Variants in TENM3 observed in about 807,000 individuals in gnomAD.
The protein encoded by TENM3 is teneurin-3.
Under a neutral mutation model 255.1 loss-of-function variants are expected in TENM3, and 63 were observed. That is an observed-to-expected ratio of 0.25 (90% confidence interval 0.20 to 0.30). TENM3 has a LOEUF of 0.30. Among genes scored for constraint, TENM3 ranks in the 10% least tolerant of loss-of-function variants. TENM3 has a pLI of 1.00. For missense variants in TENM3, 2,929 were observed against 3,461.1 expected (o/e 0.85, Z 3.86); for synonymous variants, 1,306 against 1,322.3 (o/e 0.99, Z 0.27).
chr4:182,791,095 A>T (rs1766071331), intron 25 of TENM3, among the ~76,000 whole-genome samples: 1 of 152,240 alleles, frequency 6.6e-6, no homozygotes, highest in East Asian at 1.9e-4. Flanking sequence ...ATGACTTCAG[A>T]TGATTCCAAA....
chr4:181,735,907 C>A, the TENM3 span, among the ~76,000 whole-genome samples: 3 of 152,194 alleles, frequency 2.0e-5, no homozygotes, highest in African/African-American at 7.2e-5. Flanking sequence ...CATTTAAAGA[C>A]TTCCAGGAGT....
intron 3 of TENM3, among the ~76,000 whole-genome samples, chr4:182,367,976 C>A (rs1766544099): frequency 6.6e-6 from 1 of 152,140 alleles, no homozygotes; most frequent in Non-Finnish European, 1.5e-5. Flanking sequence ...CTACATCATA[C>A]TAGCCTAGTT....
At chr4:182,446,691 C>T (rs1463529299) in intron 3 of TENM3, among the ~76,000 whole-genome samples, 1 of 151,686 alleles carries the variant, frequency 6.6e-6, no homozygotes, top group South Asian at 2.1e-4. Context: ...AACTCCTGGG[C>T]TCAAGCAGTC....
chr4:182,276,606 T>G (rs182838279), intron 1 of TENM3, among the ~76,000 whole-genome samples: 1 of 152,338 alleles, frequency 6.6e-6, no homozygotes, highest in African/African-American at 2.4e-5. Context: ...TGAACTAATC[T>G]TGGCCATATT....
At chr4:182,194,991 G>C (rs1344633411) in intron 1 of TENM3, among the ~76,000 whole-genome samples, 1 of 148,802 alleles carries the variant, frequency 6.7e-6, no homozygotes, top group South Asian at 2.1e-4. Context: ...TCACTGCAAG[G>C]CTTATGAAAT....
chr4:182,781,424 A>G (rs1285212224), intron 24 of TENM3, among the ~76,000 whole-genome samples: 1 of 148,850 alleles, frequency 6.7e-6, no homozygotes, highest in Non-Finnish European at 1.5e-5. Context: ...ATCATGGTGG[A>G]TAAGCTTTTT....
the TENM3 span, among the ~76,000 whole-genome samples, chr4:181,848,991 A>G: frequency 6.6e-6 from 1 of 152,162 alleles, no homozygotes; most frequent in Non-Finnish European, 1.5e-5. Context: ...CAACCCACAC[A>G]TCCATTTGTT....
intron 3 of TENM3, among the ~76,000 whole-genome samples, chr4:182,589,865 T>C (rs1034845905): frequency 6.6e-6 from 1 of 151,880 alleles, no homozygotes; most frequent in South Asian, 2.1e-4. Flanking sequence ...TCACAGCTAC[T>C]TGGGAGGCTG....
rs560379985 is a variant in TENM3 at position 182,556,071 on chromosome 4, A to T, written c.512-44853A>T. Among the ~76,000 whole-genome samples the T allele has an allele frequency of 3.9e-5, 6 of 152,248 alleles. No homozygotes were observed. The East Asian group carries it at 9.7e-4, about 25-fold the overall frequency. ...GTCTCATTGTCCCTAGCCCATTAGG[A>T]ACAATAGAAGTTTTACCCCACTTCC... is the stretch of plus-strand genomic sequence containing the variant. On this transcript the variant is annotated intron_variant, in intron 3 of 27. Coordinates refer to ENST00000511685, the MANE Select transcript of TENM3 (RefSeq NM_001080477.4).
chr4:182,266,394 T>G (rs1759246648), intron 1 of TENM3, among the ~76,000 whole-genome samples: 1 of 152,206 alleles, frequency 6.6e-6, no homozygotes, highest in African/African-American at 2.4e-5. Context: ...AAAAATTAAT[T>G]GTAAGAGAGT....
chr4:182,552,800 C>G (rs966473286), intron 3 of TENM3, among the ~76,000 whole-genome samples: 2 of 152,102 alleles, frequency 1.3e-5, no homozygotes, highest in Non-Finnish European at 2.9e-5. Flanking sequence ...TAATATGAGT[C>G]CTCTTAATGA....
intron 16 of TENM3, among the ~76,000 whole-genome samples, chr4:182,735,701 T>G (rs1384103465): frequency 6.6e-6 from 1 of 152,206 alleles, no homozygotes; most frequent in East Asian, 1.9e-4. Context: ...ACAGATAGCC[T>G]TGCACTTACA....
chr4:182,148,386 T>C (rs1157530233), intron 1 of TENM3, among the ~76,000 whole-genome samples: 3 of 152,122 alleles, frequency 2.0e-5, no homozygotes, highest in Non-Finnish European at 4.4e-5. Context: ...AAACATCCTA[T>C]TGGGGACCTA....
the TENM3 span, among the ~76,000 whole-genome samples, chr4:182,137,474 A>G: frequency 6.6e-6 from 1 of 152,220 alleles, no homozygotes; most frequent in Non-Finnish European, 1.5e-5. Context: ...TGATCTGCTA[A>G]GGATAATACA....
At chr4:181,763,473 AATATTTTT>A in the TENM3 span, among the ~76,000 whole-genome samples, 5 of 152,236 alleles carry the variant, frequency 3.3e-5, no homozygotes, top group Non-Finnish European at 5.9e-5. Context: ...TGAGCTAAGA[AATATTTTT>A]ATATTTTTAT....
the TENM3 span, among the ~76,000 whole-genome samples, chr4:181,986,161 G>A: frequency 2.0e-5 from 3 of 151,948 alleles, no homozygotes; most frequent in African/African-American, 7.2e-5. Context: ...ATCTCTACCA[G>A]CCTCTTATTT....
chr4:182,395,114 T>C (rs1768716897), intron 3 of TENM3, among the ~76,000 whole-genome samples: 1 of 152,228 alleles, frequency 6.6e-6, no homozygotes, highest in Admixed American at 6.5e-5. Context: ...ATCGTGCTGA[T>C]GATCTAGTCT....
chr4:182,473,214 T>C (rs1733302014), intron 3 of TENM3, among the ~76,000 whole-genome samples: 1 of 152,288 alleles, frequency 6.6e-6, no homozygotes, highest in South Asian at 2.1e-4. Flanking sequence ...AATGCAGCCA[T>C]ATATATATTT....
At chr4:182,062,863 T>C in the TENM3 span, among the ~76,000 whole-genome samples, 1 of 152,218 alleles carries the variant, frequency 6.6e-6, no homozygotes, top group African/African-American at 2.4e-5. Context: ...GATATGGCTC[T>C]CCTTGTCTTT....
Sources: allele counts gnomAD v4.1 joint callset (sites outside exome capture counted in the v4.1 genomes callset), GRCh38; gene constraint gnomAD v4.1.1; transcripts MANE v1.5; gene names NCBI Gene and HGNC (gene_info 2026-07-23, HGNC 2026-07-21).